The following TEK variants were observed in gnomAD, a reference collection of about 807,000 sequenced individuals.
TEK encodes angiopoietin-1 receptor.
A neutral mutation model predicts 131.8 loss-of-function variants in TEK; 43 were observed. The observed-to-expected ratio is 0.33, with a 90% CI of 0.26 to 0.42. TEK has a LOEUF of 0.42. TEK is among the 10% of genes least tolerant of loss of function. TEK has a pLI of 1.00. For missense variants in TEK, 1,162 were observed against 1,384.4 expected (o/e 0.84, Z 2.55); for synonymous variants, 580 against 491.6 (o/e 1.18, Z -2.38).
At chr9:27,153,618 T>A (rs766063590) in intron 1 of TEK, among the ~76,000 whole-genome samples, 2 of 152,234 alleles carry the variant, frequency 1.3e-5, no homozygotes, top group Non-Finnish European at 2.9e-5. Flanking sequence ...GCCTTTTAGA[T>A]ATGGTTGTGA....
chr9:27,137,616 A>G lies in TEK; in HGVS notation c.53-20215A>G, dbSNP rs148178481. Among the ~76,000 whole-genome samples the G allele has an allele frequency of 6.6e-5, 10 of 152,232 alleles. No individual in the cohort carries two copies. The East Asian group carries it at 7.7e-4, about 12-fold the overall frequency. Reference sequence around the variant, plus strand: ...TATTTCCTAATAAAAATCATTTTATATATATTTTTAAACTTACCTGAAAAT... The same window carrying G: ...TATTTCCTAATAAAAATCATTTTATGTATATTTTTAAACTTACCTGAAAAT... On this transcript the variant is annotated intron_variant, in intron 1 of 22. Coordinates refer to ENST00000380036, the MANE Select transcript of TEK (RefSeq NM_000459.5).
In TEK at chr9:27,166,831, A is replaced by T. The variant is rs1823748846; in HGVS notation, c.365-1664A>T. Among the ~76,000 whole-genome samples, 3 of 152,166 alleles carry T rather than the reference A, an allele frequency of 2.0e-5. No individual in the cohort carries two copies. In the South Asian group the frequency reaches 6.2e-4, roughly 32 times the overall value. ...ATTTGATGTGAGCTCCTGTCTTTTA[A>T]CATACATTTGGCATAATGTCTGCCA... On this transcript the variant is annotated intron_variant, in intron 2 of 22. Transcript: ENST00000380036.
chr9:27,164,643 A>G (rs187057306), intron 2 of TEK, among the ~76,000 whole-genome samples: 15 of 152,074 alleles, frequency 9.9e-5, no homozygotes, highest in Non-Finnish European at 1.9e-4. Flanking sequence ...CTTAAGCTCA[A>G]GTGATCCTCC....
chr9:27,155,187 A>C (rs1387559873), intron 1 of TEK, among the ~76,000 whole-genome samples: 1 of 152,124 alleles, frequency 6.6e-6, no homozygotes, highest in African/African-American at 2.4e-5. Context: ...GTTCACTCAG[A>C]GTCAGGCCTG....
Position 27,229,313 on chromosome 9 carries a change from C to T in TEK, c.*81C>T, listed in dbSNP as rs1282349240. 1 of 1,341,742 alleles carries T rather than the reference C, an allele frequency of 7.5e-7. No homozygotes were observed. The highest frequency in any genetic ancestry group is 1.1e-6 in the Non-Finnish European group (1 of 933,796). The allele number at this position is 1,341,742 out of a possible 1,614,324, so 83.1% of individuals were successfully genotyped here. On this transcript the variant is annotated 3_prime_UTR_variant, in exon 23 of 23. Transcript: ENST00000380036. ...CACCTGCTGAGAAAACATGCCTCTG[C>T]CAAAGGATGTGATATATAAGTGTAC...
At chr9:27,219,809 C>T (rs768726719) in intron 20 of TEK, among the ~76,000 whole-genome samples, 5 of 86,556 alleles carry the variant, frequency 5.8e-5, no homozygotes, top group Admixed American at 4.6e-4. Context: ...AGACTTAGAA[C>T]AGGCACTAAG....
At chr9:27,150,237 G>A (rs1231141869) in intron 1 of TEK, among the ~76,000 whole-genome samples, 1 of 152,140 alleles carries the variant, frequency 6.6e-6, no homozygotes, top group East Asian at 1.9e-4. Flanking sequence ...CAGCACTTGA[G>A]GGCTGGCTCT....
intron 1 of TEK, among the ~76,000 whole-genome samples, chr9:27,127,222 T>A (rs149593195): frequency 0.093 from 14,153 of 152,222 alleles, 769 homozygotes; most frequent in African/African-American, 0.13. Context: ...AGTGAGAACA[T>A]GCAGTGTTTG....
intron 16 of TEK, among the ~76,000 whole-genome samples, chr9:27,209,792 TTTAAAG>T (rs1268227588): frequency 5.0e-4 from 76 of 152,248 alleles, no homozygotes; most frequent in Non-Finnish European, 1.6e-4. Context: ...TGCACATGCA[TTTAAAG>T]TTAAATTTAT....
chr9:27,217,043 A>G (rs1825841915), intron 18 of TEK, among the ~76,000 whole-genome samples: 1 of 152,214 alleles, frequency 6.6e-6, no homozygotes, highest in Non-Finnish European at 1.5e-5. Flanking sequence ...TCAGTAAAAC[A>G]AGATATGGGG....
chr9:27,133,465 T>C (rs1822296991), intron 1 of TEK, among the ~76,000 whole-genome samples: 1 of 152,204 alleles, frequency 6.6e-6, no homozygotes, highest in Non-Finnish European at 1.5e-5. Context: ...CTACAGCCTT[T>C]TGATGCCCTC....
At chr9:27,205,541 T>C (rs1825370843) in intron 14 of TEK, among the ~76,000 whole-genome samples, 1 of 152,192 alleles carries the variant, frequency 6.6e-6, no homozygotes, top group African/African-American at 2.4e-5. Context: ...ACCCCTCGTA[T>C]GTGTAAGAAT....
chr9:27,220,946 G>C (rs938780721), intron 21 of TEK, among the ~76,000 whole-genome samples: 1 of 152,210 alleles, frequency 6.6e-6, no homozygotes, highest in Non-Finnish European at 1.5e-5. Flanking sequence ...TCACTCCCCT[G>C]GAAAGGGGGC....
intron 1 of TEK, among the ~76,000 whole-genome samples, chr9:27,109,851 C>T (rs1172220083): frequency 2.0e-5 from 3 of 152,100 alleles, no homozygotes; most frequent in Non-Finnish European, 4.4e-5. Flanking sequence ...AGTTTGTCTT[C>T]TGGGTGATTG....
chr9:27,135,597 A>G (rs1320800750), intron 1 of TEK, among the ~76,000 whole-genome samples: 1 of 152,198 alleles, frequency 6.6e-6, no homozygotes, highest in Non-Finnish European at 1.5e-5. Context: ...GTATACATTG[A>G]TACATCCTCA....
intron 1 of TEK, among the ~76,000 whole-genome samples, chr9:27,148,511 G>C (rs1271548628): frequency 1.3e-5 from 2 of 152,242 alleles, no homozygotes; most frequent in Non-Finnish European, 2.9e-5. Context: ...GTCTCCTCAT[G>C]ATGGCCTCAG....
In TEK at chr9:27,192,622, C is replaced by A; in HGVS notation, c.1623C>A (p.Ile541=). Residue 541 remains isoleucine (I), a splice_region_variant and synonymous_variant, in exon 11 of 23, where the codon ATC becomes ATA. Transcript: ENST00000380036. The part of the protein sequence containing the change: ...GPVRRFTTAS[I]GLPPPRGLNL... ...TGAGACGCTTCACAACAGCTTCTAT[C>A]GGTCAGTGGAAGCCAACAGGCATTT... 2 of 1,479,194 alleles carry A rather than the reference C, an allele frequency of 1.4e-6. No homozygotes were observed. Among genetic ancestry groups the A allele is most frequent in the Non-Finnish European group, 1.8e-6 (2 of 1,096,392 alleles). 91.6% of individuals were successfully genotyped at this position (1,479,194 alleles called of 1,614,324 possible). A position where few individuals can be genotyped will look rare whatever the true frequency, so the allele number is the denominator to read the frequency against.
chr9:27,205,496 T>A (rs1026420720), intron 14 of TEK, among the ~76,000 whole-genome samples: 3 of 152,168 alleles, frequency 2.0e-5, no homozygotes, highest in Admixed American at 6.5e-5. Context: ...TATTTCCAGT[T>A]CCCATTTCTT....
intron 3 of TEK, among the ~76,000 whole-genome samples, chr9:27,169,123 T>C (rs1823852948): frequency 6.6e-6 from 1 of 152,204 alleles, no homozygotes; most frequent in Non-Finnish European, 1.5e-5. Context: ...GTAGCGATTA[T>C]AGATATCTCC....
Sources: gnomAD v4.1 joint callset for allele counts (sites outside exome capture counted in the v4.1 genomes callset) on GRCh38, gnomAD v4.1.1 for gene constraint, MANE v1.5 for transcripts, NCBI Gene and HGNC (gene_info 2026-07-23, HGNC 2026-07-21) for gene names.